Variants in PTPRQ observed in about 807,000 individuals in gnomAD.
The protein encoded by PTPRQ is protein tyrosine phosphatase receptor type Q.
Under a neutral mutation model 246.0 loss-of-function variants are expected in PTPRQ, and 199 were observed. That is an observed-to-expected ratio of 0.81 (90% CI 0.72 to 0.91). PTPRQ has a LOEUF of 0.91. Ranked by LOEUF, PTPRQ falls within the 40% of genes least tolerant of loss-of-function variation. The probability of loss-of-function intolerance (pLI) is 0.00; values close to 1 mark genes in which losing one functional copy is unlikely to be tolerated. For missense variants in PTPRQ, 2,624 were observed against 2,528.4 expected, an observed-to-expected ratio of 1.04 and a Z score of -0.81; for synonymous variants, 869 against 853.2, an observed-to-expected ratio of 1.02 and a Z score of -0.32.
intron 23 of PTPRQ, among the ~76,000 whole-genome samples, chr12:80,543,640 C>T (rs1310920464): frequency 1.3e-5 from 2 of 152,024 alleles, no homozygotes; most frequent in African/African-American, 4.8e-5. Flanking sequence ...ATGAGTATTA[C>T]AATTTATGAC....
intron 35 of PTPRQ, among the ~76,000 whole-genome samples, chr12:80,636,979 G>C (rs911763480): frequency 1.3e-5 from 2 of 152,104 alleles, no homozygotes; most frequent in African/African-American, 4.8e-5. Flanking sequence ...ATTAGAAAAG[G>C]TCGGGTGTGG....
intron 40 of PTPRQ, 74 bp downstream of exon 40, chr12:80,669,215 T>C (rs1900887098): frequency 4.6e-6 from 7 of 1,529,700 alleles, no homozygotes; most frequent in South Asian, 1.2e-5. Context: ...TTTCATCTAA[T>C]ACTGTGAGTC....
At chr12:80,590,364 T>A (rs1367565378) in intron 26 of PTPRQ, among the ~76,000 whole-genome samples, 1 of 152,108 alleles carries the variant, frequency 6.6e-6, no homozygotes, top group Non-Finnish European at 1.5e-5. Flanking sequence ...GATGTCACTT[T>A]CTTGCTTAAA....
chr12:80,486,482 C>T (rs73145142), intron 9 of PTPRQ, among the ~76,000 whole-genome samples: 1 of 151,944 alleles, frequency 6.6e-6, no homozygotes, highest in Non-Finnish European at 1.5e-5. Flanking sequence ...TCCAAATGGC[C>T]CTGGGTTCTT....
At chr12:80,620,038 G>A in intron 31 of PTPRQ, 116 bp from the exon 32 acceptor site, 1 of 1,283,340 alleles carries the variant, frequency 7.8e-7, no homozygotes, top group Non-Finnish European at 1.0e-6. Context: ...AATTATCTCT[G>A]GTGACTGATG....
intron 17 of PTPRQ, among the ~76,000 whole-genome samples, chr12:80,521,198 T>G (rs1360119453): frequency 6.6e-6 from 1 of 152,248 alleles, no homozygotes; most frequent in Non-Finnish European, 1.5e-5. Context: ...GCCCACGTTT[T>G]GATGGGGTTG....
intron 26 of PTPRQ, among the ~76,000 whole-genome samples, chr12:80,592,153 A>G (rs530521102): frequency 4.6e-5 from 7 of 152,244 alleles, no homozygotes; most frequent in African/African-American, 1.7e-4. Context: ...TCTTTCTACC[A>G]CTGTGATTAG....
At chr12:80,582,679 A>T (rs1897481492) in intron 25 of PTPRQ, among the ~76,000 whole-genome samples, 1 of 152,146 alleles carries the variant, frequency 6.6e-6, no homozygotes, top group Non-Finnish European at 1.5e-5. Flanking sequence ...TGTTGTTTGT[A>T]AATCACTCAG....
At position 80,449,968 on chromosome 12, in the gene PTPRQ, G is replaced by A. The variant is rs549054278; in HGVS notation, c.390+4251G>A. 3.3e-5 allele frequency among the ~76,000 whole-genome samples: 5 copies of A among 152,264 alleles called. No homozygotes were observed. In the East Asian group the frequency reaches 5.8e-4, roughly 18 times the overall value. Reference sequence around the variant, plus strand: ...TAGAATCTATAAATTACCTTGGGCAGTATGGTCATTTTCACGATATTCATT... The same window carrying A: ...TAGAATCTATAAATTACCTTGGGCAATATGGTCATTTTCACGATATTCATT... On this transcript the variant is annotated intron_variant, in intron 3 of 44. Coordinates refer to ENST00000644991, the MANE Select transcript of PTPRQ (RefSeq NM_001145026.2).
intron 8 of PTPRQ, 53 bp from the exon 9 acceptor site, chr12:80,484,380 A>C (rs1308596714): frequency 6.9e-6 from 10 of 1,447,872 alleles, no homozygotes; most frequent in Non-Finnish European, 2.7e-6. Flanking sequence ...TTTTCACTTG[A>C]AAAAATATTT....
rs979812732 is a variant in PTPRQ, at chr12:80,493,418, T to A, written c.1503T>A (p.Pro501=). The A allele has an allele frequency of 1.0e-5, 16 of 1,550,024 alleles. No individual in the cohort carries two copies. In the African/African-American group the frequency reaches 1.9e-4, roughly 19 times the overall value. ...ACAGCCATCCAGATAAAAACTTTCC[T>A]GCAAGGAATAGAGCTGAAGACCAGA... ...IYNSHPDKNF[P]ARNRAEDQTS... is the part of the protein sequence containing the mutation. Residue 501 remains proline (P), a synonymous_variant, in exon 10 of 45, where the codon CCT becomes CCA. Coordinates refer to ENST00000644991, the MANE Select transcript of PTPRQ (RefSeq NM_001145026.2).
intron 17 of PTPRQ, among the ~76,000 whole-genome samples, chr12:80,520,448 G>A (rs1466639603): frequency 1.3e-5 from 2 of 151,986 alleles, no homozygotes; most frequent in Non-Finnish European, 2.9e-5. Flanking sequence ...CCATGTTGGT[G>A]TGCTGTACCC....
At chr12:80,620,516 G>A (rs545844769) in intron 32 of PTPRQ, 140 bp downstream of exon 32, 22 of 1,238,430 alleles carry the variant, frequency 1.8e-5, no homozygotes, top group Non-Finnish European at 2.4e-5. Context: ...TCTGGCACTA[G>A]GAATAGAAAG....
intron 8 of PTPRQ, among the ~76,000 whole-genome samples, chr12:80,476,801 T>C (rs2120565362): frequency 6.6e-6 from 1 of 152,294 alleles, no homozygotes. Flanking sequence ...AATCTGATAA[T>C]AAGGGATCAT....
At chr12:80,550,433 T>G (rs1896439879) in intron 25 of PTPRQ, among the ~76,000 whole-genome samples, 1 of 152,168 alleles carries the variant, frequency 6.6e-6, no homozygotes, top group African/African-American at 2.4e-5. Flanking sequence ...GTCTTGAGGC[T>G]GTAAACCTAG....
chr12:80,659,959 A>G (rs1900574656), intron 39 of PTPRQ, among the ~76,000 whole-genome samples: 3 of 152,036 alleles, frequency 2.0e-5, no homozygotes, highest in Admixed American at 2.0e-4. Flanking sequence ...ATGGGAACAG[A>G]TGTAGCAATG....
At chr12:80,593,759 T>C (rs1407600744) in intron 26 of PTPRQ, 5 of 152,208 alleles carry the variant, frequency 3.3e-5, no homozygotes, top group African/African-American at 9.6e-5. Flanking sequence ...TGTGTGTATA[T>C]ATGTGGTGGT....
At chr12:80,621,294 G>A (rs960050692) in intron 32 of PTPRQ, among the ~76,000 whole-genome samples, 78 of 151,956 alleles carry the variant, frequency 5.1e-4, no homozygotes, top group African/African-American at 1.9e-3. Context: ...CAAGTATCAT[G>A]TTTATTCATA....
intron 7 of PTPRQ, among the ~76,000 whole-genome samples, chr12:80,469,405 G>A (rs1441931585): frequency 6.6e-6 from 1 of 152,166 alleles, no homozygotes; most frequent in East Asian, 1.9e-4. Context: ...ACTTGCCAGA[G>A]ATACTTTGAG....
Sources: gnomAD v4.1 joint callset for allele counts (sites outside exome capture counted in the v4.1 genomes callset) on GRCh38, gnomAD v4.1.1 for gene constraint, MANE v1.5 for transcripts, NCBI Gene and HGNC (gene_info 2026-07-23, HGNC 2026-07-21) for gene names.